Variants in IFT140 observed in about 807,000 individuals in gnomAD.
IFT140 encodes the protein intraflagellar transport protein 140 homolog.
Under a neutral mutation model 164.6 loss-of-function variants are expected in IFT140, and 133 were observed. That is an observed-to-expected ratio of 0.81 (90% CI 0.70 to 0.93). The LOEUF is 0.93. Ranked by LOEUF, IFT140 falls within the 40% of genes least tolerant of loss-of-function variation. The probability of loss-of-function intolerance (pLI) is 0.00; values close to 1 mark genes in which losing one functional copy is unlikely to be tolerated. For synonymous variants in IFT140, 860 were observed against 817.3 expected (o/e 1.05, Z -0.89); for missense variants, 2,045 against 1,972.3 (o/e 1.04, Z -0.70).
chr16:1,606,866 C>A (rs560690437), intron 3 of IFT140, among the ~76,000 whole-genome samples: 68 of 151,562 alleles, frequency 4.5e-4, no homozygotes, highest in African/African-American at 1.6e-3. Context: ...ACGCATACAC[C>A]CCCCCACATA....
At position 1,543,047 on chromosome 16, in the gene IFT140, T is replaced by A. The variant is rs768296697; in HGVS notation, c.2399+14888A>T. On this transcript the variant is annotated intron_variant, in intron 19 of 30. Coordinates refer to ENST00000426508, the MANE Select transcript of IFT140 (RefSeq NM_014714.4). ...GGTCTTCTGTGGCTGACTGAGAGGT[T>A]TGAAGACTGTGGGCATCTGGGGCAG... Among the ~76,000 whole-genome samples the A allele has an allele frequency of 3.3e-5, 5 of 152,242 alleles. No individual in the cohort carries two copies. The South Asian group carries it at 8.3e-4, about 25-fold the overall frequency.
intron 30 of IFT140, among the ~76,000 whole-genome samples, chr16:1,515,346 C>T (rs919142834): frequency 3.3e-5 from 5 of 152,140 alleles, no homozygotes; most frequent in Non-Finnish European, 7.4e-5. Flanking sequence ...GCTGACTCTT[C>T]CAGAAACAAT....
At chr16:1,527,890 G>T (rs772186457) in intron 19 of IFT140, among the ~76,000 whole-genome samples, 2 of 152,216 alleles carry the variant, frequency 1.3e-5, no homozygotes, top group Non-Finnish European at 2.9e-5. Flanking sequence ...TCTCCATGAG[G>T]TTTCCTGCAT....
intron 19 of IFT140, among the ~76,000 whole-genome samples, chr16:1,550,470 A>G (rs983815457): frequency 6.6e-6 from 1 of 152,282 alleles, no homozygotes; most frequent in Non-Finnish European, 1.5e-5. Flanking sequence ...AAGAAAATAA[A>G]TAACAATAAA....
intron 19 of IFT140, among the ~76,000 whole-genome samples, chr16:1,535,783 C>T (rs1204903833): frequency 2.6e-5 from 4 of 152,270 alleles, no homozygotes; most frequent in African/African-American, 9.6e-5. Context: ...CTGGACTGCG[C>T]ACTTCCTCTC....
At chr16:1,546,572 G>A (rs1050213192) in intron 19 of IFT140, among the ~76,000 whole-genome samples, 17 of 152,356 alleles carry the variant, frequency 1.1e-4, no homozygotes, top group African/African-American at 4.1e-4. Flanking sequence ...ATGCTGAGAA[G>A]CTTCAGGCCC....
intron 7 of IFT140, among the ~76,000 whole-genome samples, chr16:1,589,195 GC>G (rs1308950916): frequency 6.6e-6 from 1 of 152,204 alleles, no homozygotes; most frequent in Non-Finnish European, 1.5e-5. Context: ...AAGTTCAGTG[GC>G]CTCCAAGGAG....
chr16:1,568,369 G>C, intron 14 of IFT140, 35 bp from the exon 15 acceptor site: 1 of 1,534,258 alleles, frequency 6.5e-7, no homozygotes, highest in Non-Finnish European at 9.0e-7. Context: ...GTGCCCGCCA[G>C]AGGCCCAGTT....
intron 1 of IFT140, among the ~76,000 whole-genome samples, chr16:1,611,755 A>T (rs1472124258): frequency 6.6e-6 from 1 of 150,950 alleles, no homozygotes; most frequent in Non-Finnish European, 1.5e-5. Flanking sequence ...CGGAGCTTGC[A>T]GTGAGCCAAG....
intron 13 of IFT140, among the ~76,000 whole-genome samples, chr16:1,575,780 T>C (rs569703206): frequency 4.6e-5 from 7 of 151,158 alleles, no homozygotes; most frequent in African/African-American, 1.7e-4. Flanking sequence ...ACTGACCCTC[T>C]CCTAGCAGGC....
At position 1,607,227 on chromosome 16, in the gene IFT140, C is replaced by T; in HGVS notation, c.40G>A (p.Ala14Thr). 1.2e-6 allele frequency: 2 copies of T among 1,614,188 alleles called. No homozygotes were observed. Among genetic ancestry groups the T allele is most frequent in the Non-Finnish European group, 1.7e-6 (2 of 1,180,026 alleles). ...YYDHQIEAPDAAGSPSFISWH... is the reference protein window; with the variant it reads ...YYDHQIEAPDTAGSPSFISWH... ...CTGATAAATGAGGGTGACCCTGCTG[C>T]ATCCGGGGCTTCTATCTGGTGGTCA... Residue 14 changes from alanine (A) to threonine (T), a missense_variant, in exon 3 of 31, where the codon GCA becomes ACA. Coordinates refer to ENST00000426508, the MANE Select transcript of IFT140 (RefSeq NM_014714.4).
intron 13 of IFT140, chr16:1,579,464 C>A (rs1014515497): frequency 6.6e-6 from 1 of 152,188 alleles, no homozygotes; most frequent in African/African-American, 2.4e-5. Flanking sequence ...CCCTCAGAGC[C>A]TCCAGAAGGC....
At chr16:1,513,770 T>G (rs1375267332) in intron 30 of IFT140, among the ~76,000 whole-genome samples, 1 of 148,622 alleles carries the variant, frequency 6.7e-6, no homozygotes, top group Non-Finnish European at 1.5e-5. Flanking sequence ...GCCTCCCGGG[T>G]TCACACCATT....
At chr16:1,518,437 C>A in intron 29 of IFT140, 80 bp from the exon 30 acceptor site, 1 of 1,406,010 alleles carries the variant, frequency 7.1e-7, no homozygotes, top group East Asian at 2.5e-5. Flanking sequence ...GACTCTTGGC[C>A]TGTAAGAGGA....
intron 2 of IFT140, among the ~76,000 whole-genome samples, chr16:1,608,781 T>C (rs1277438669): frequency 1.3e-5 from 2 of 152,086 alleles, no homozygotes; most frequent in Non-Finnish European, 1.5e-5. Context: ...AGTGGTGTGA[T>C]CATGGCTCAC....
In IFT140 at chr16:1,585,809, C is replaced by T. The variant is rs184632566; in HGVS notation, c.1155+321G>A. On this transcript the variant is annotated intron_variant, in intron 10 of 30. Transcript: ENST00000426508. ...TTTTTGAGACGGAGTCTCACTCTGT[C>T]TCCCAGGCTGGAGTGCAGTGGCACA... Among the ~76,000 whole-genome samples the T allele has an allele frequency of 2.8e-3, 352 of 127,144 alleles. 2 individuals carry two copies. Among genetic ancestry groups the T allele is most frequent in the African/African-American group, 9.9e-3 (330 of 33,454 alleles). 83.4% of individuals were successfully genotyped at this position (127,144 alleles called of 152,430 possible). A position where few individuals can be genotyped will look rare whatever the true frequency, so the allele number is the denominator to read the frequency against.
At chr16:1,586,383 T>C (rs1396320342) in intron 9 of IFT140, 108 bp from the exon 10 acceptor site, 5 of 1,101,634 alleles carry the variant, frequency 4.5e-6, no homozygotes, top group Non-Finnish European at 5.1e-6. Flanking sequence ...CCTCGCCCAG[T>C]CTGGTGCCTC....
intron 18 of IFT140, among the ~76,000 whole-genome samples, chr16:1,560,549 G>C (rs925266024): frequency 4.3e-4 from 65 of 152,216 alleles, no homozygotes; most frequent in Admixed American, 8.5e-4. Context: ...TGCCAGCTCA[G>C]GGGTGTGTGT....
chr16:1,539,898 C>G (rs747527482), intron 19 of IFT140, among the ~76,000 whole-genome samples: 12 of 152,204 alleles, frequency 7.9e-5, no homozygotes, highest in African/African-American at 1.2e-4. Flanking sequence ...CCTCCACTCT[C>G]TGCGCACTGC....
Sources: gnomAD v4.1 joint callset for allele counts (sites outside exome capture counted in the v4.1 genomes callset) on GRCh38, gnomAD v4.1.1 for gene constraint, MANE v1.5 for transcripts, NCBI Gene and HGNC (gene_info 2026-07-23, HGNC 2026-07-21) for gene names.